The following TMEM135 variants were observed in gnomAD, a reference collection of about 807,000 sequenced individuals.
TMEM135 encodes peroxisomal membrane protein 52.
In TMEM135, 30 loss-of-function variants were observed where a neutral mutation model predicts 60.3. The observed-to-expected ratio is 0.50, with a 90% CI of 0.37 to 0.68. The LOEUF (loss-of-function observed/expected upper bound fraction) is 0.68. Ranked by LOEUF, TMEM135 falls within the 30% of genes least tolerant of loss-of-function variation. The pLI is 0.00. For missense variants in TMEM135, 468 were observed against 548.8 expected, an observed-to-expected ratio of 0.85 and a Z score of 1.47; for synonymous variants, 190 against 186.7, an observed-to-expected ratio of 1.02 and a Z score of -0.14.
intron 6 of TMEM135, among the ~76,000 whole-genome samples, chr11:87,279,160 T>G (rs1942017292): frequency 6.6e-6 from 1 of 152,200 alleles, no homozygotes; most frequent in Non-Finnish European, 1.5e-5. Context: ...TTATATCACA[T>G]GTACCATTAT....
At chr11:87,098,527 T>A (rs1351621817) in intron 4 of TMEM135, among the ~76,000 whole-genome samples, 1 of 152,150 alleles carries the variant, frequency 6.6e-6, no homozygotes, top group African/African-American at 2.4e-5. Flanking sequence ...CATGGTGTTG[T>A]AATCAGAATC....
chr11:87,285,382 G>A (rs1044846194), intron 6 of TMEM135, among the ~76,000 whole-genome samples: 2 of 152,170 alleles, frequency 1.3e-5, no homozygotes, highest in Non-Finnish European at 2.9e-5. Flanking sequence ...GAGTGTTACA[G>A]TTCTTAAAGA....
chr11:87,203,135 C>A (rs1940157958), intron 5 of TMEM135, among the ~76,000 whole-genome samples: 1 of 151,452 alleles, frequency 6.6e-6, no homozygotes, highest in African/African-American at 2.4e-5. Context: ...CACATTCATA[C>A]CCTCCCCCAT....
At position 87,252,430 on chromosome 11, in the gene TMEM135, G is replaced by C. The variant is rs1941435722; in HGVS notation, c.509+15746G>C. ...AAAATAGAAAAATCTAATGCTCGTGGCTTTCTAAATACATGGTCTTTCTTA... is the reference window on the plus strand; with the variant it reads ...AAAATAGAAAAATCTAATGCTCGTGCCTTTCTAAATACATGGTCTTTCTTA... On this transcript the variant is annotated intron_variant, in intron 6 of 14. Transcript: ENST00000305494. Among the ~76,000 whole-genome samples, 5 of 152,240 alleles carry C rather than the reference G, an allele frequency of 3.3e-5. No individual in the cohort carries two copies. In the South Asian group the frequency reaches 1.0e-3, roughly 32 times the overall value.
intron 5 of TMEM135, among the ~76,000 whole-genome samples, chr11:87,208,585 A>G (rs931149239): frequency 6.6e-6 from 1 of 152,228 alleles, no homozygotes; most frequent in Non-Finnish European, 1.5e-5. Flanking sequence ...CCTACAACTC[A>G]TTGGCATTCC....
At chr11:87,135,652 A>G (rs76842991) in intron 4 of TMEM135, among the ~76,000 whole-genome samples, 15,098 of 152,070 alleles carry the variant, frequency 0.099, 776 homozygotes, top group African/African-American at 0.11. Context: ...GGTATATGAT[A>G]ACTGTAGCAG....
chr11:87,070,302 GAA>G (rs1856750398), intron 2 of TMEM135, among the ~76,000 whole-genome samples: 1 of 151,524 alleles, frequency 6.6e-6, no homozygotes, highest in Admixed American at 6.6e-5. Flanking sequence ...CCTTTCTTAG[GAA>G]CATATGTTTT....
At chr11:87,258,005 T>A (rs1941563228) in intron 6 of TMEM135, among the ~76,000 whole-genome samples, 1 of 152,102 alleles carries the variant, frequency 6.6e-6, no homozygotes, top group African/African-American at 2.4e-5. Flanking sequence ...TACGTCTAAG[T>A]CCCTTTCTAA....
chr11:87,236,575 T>C (rs12224600), intron 5 of TMEM135, 63 bp from the exon 6 acceptor site: 118,737 of 1,452,628 alleles, frequency 0.082, 5,539 homozygotes, highest in East Asian at 0.18. Context: ...TTTGCTTTTA[T>C]GAGTCACTCA....
intron 3 of TMEM135, among the ~76,000 whole-genome samples, chr11:87,084,713 G>T (rs558418636): frequency 6.6e-6 from 1 of 152,202 alleles, no homozygotes; most frequent in Non-Finnish European, 1.5e-5. Flanking sequence ...AATAAAAGAA[G>T]GGAACAATGA....
At position 87,274,161 on chromosome 11, in the gene TMEM135, G is replaced by A. The variant is rs927798871; in HGVS notation, c.510-21621G>A. On this transcript the variant is annotated intron_variant, in intron 6 of 14. Coordinates refer to ENST00000305494, the MANE Select transcript of TMEM135 (RefSeq NM_022918.4). The stretch of plus-strand genomic sequence containing the variant: ...CATTCCTTCCTAATCTAGGTATGTC[G>A]ACAAAACTTTCAGGTCTGAAGGCTG... Among the ~76,000 whole-genome samples, 10 of 152,082 alleles carry A rather than the reference G, an allele frequency of 6.6e-5. No homozygotes were observed. In the South Asian group the frequency reaches 8.3e-4, roughly 13 times the overall value.
chr11:87,241,443 C>T (rs1005173438), intron 6 of TMEM135, among the ~76,000 whole-genome samples: 1 of 151,990 alleles, frequency 6.6e-6, no homozygotes, highest in Non-Finnish European at 1.5e-5. Flanking sequence ...CAGTGCATAC[C>T]TAACTGTCAC....
intron 3 of TMEM135, among the ~76,000 whole-genome samples, chr11:87,073,032 CTTAT>C (rs942642327): frequency 6.6e-6 from 1 of 151,822 alleles, no homozygotes. Context: ...GCCACTCTTA[CTTAT>C]TTATTTATTT....
chr11:87,058,247 T>C (rs1444042467), intron 1 of TMEM135, among the ~76,000 whole-genome samples: 1 of 152,206 alleles, frequency 6.6e-6, no homozygotes, highest in Non-Finnish European at 1.5e-5. Flanking sequence ...AGGCATTCCT[T>C]GGCCCAGTTA....
intron 1 of TMEM135, among the ~76,000 whole-genome samples, chr11:87,043,946 T>G (rs963330909): frequency 2.6e-5 from 4 of 152,106 alleles, no homozygotes; most frequent in Non-Finnish European, 4.4e-5. Flanking sequence ...CTTTTCCTAG[T>G]TGGTTTTCTT....
intron 14 of TMEM135, among the ~76,000 whole-genome samples, chr11:87,320,000 G>T (rs566235389): frequency 6.6e-6 from 1 of 152,088 alleles, no homozygotes; most frequent in African/African-American, 2.4e-5. Context: ...TGCATACATT[G>T]TATGGTTGTA....
At position 87,130,926 on chromosome 11, in the gene TMEM135, A is replaced by C. The variant is rs552636327; in HGVS notation, c.397-26415A>C. 1.8e-3 allele frequency among the ~76,000 whole-genome samples: 270 copies of C among 150,390 alleles called. 3 individuals are homozygous for C. The highest frequency in any genetic ancestry group is 6.2e-3 in the African/African-American group (253 of 41,002). ...CTAATTCTAATTTATGTGTTTAGTTACAGTTTTCTTTTTTTTTTTTAACCT... is the reference window on the plus strand; with the variant it reads ...CTAATTCTAATTTATGTGTTTAGTTCCAGTTTTCTTTTTTTTTTTTAACCT... On this transcript the variant is annotated intron_variant, in intron 4 of 14. Transcript: ENST00000305494.
chr11:87,191,875 A>G (rs1939807233), intron 5 of TMEM135, among the ~76,000 whole-genome samples: 1 of 151,912 alleles, frequency 6.6e-6, no homozygotes, highest in African/African-American at 2.4e-5. Flanking sequence ...GGGAGTTTAT[A>G]CTTTTAAAAA....
At chr11:87,165,960 AC>A (rs1939029964) in intron 5 of TMEM135, among the ~76,000 whole-genome samples, 1 of 150,484 alleles carries the variant, frequency 6.6e-6, no homozygotes, top group Admixed American at 6.6e-5. Context: ...TACTACAAAC[AC>A]CTCTACGCGA....
Sources: gnomAD v4.1 joint callset for allele counts (sites outside exome capture counted in the v4.1 genomes callset) on GRCh38, gnomAD v4.1.1 for gene constraint, MANE v1.5 for transcripts, NCBI Gene and HGNC (gene_info 2026-07-23, HGNC 2026-07-21) for gene names.